Variants in NUP93 observed in about 807,000 individuals in gnomAD.
NUP93 encodes nuclear pore complex protein Nup93.
In NUP93, 55 loss-of-function variants were observed where a neutral mutation model predicts 107.8. That is an observed-to-expected ratio of 0.51 (90% confidence interval 0.41 to 0.64). The LOEUF (loss-of-function observed/expected upper bound fraction) is 0.64, where lower values mean the gene tolerates loss of function less well. NUP93 is among the 30% of genes least tolerant of loss of function. The pLI is 0.00. For synonymous variants in NUP93, 390 were observed against 397.5 expected (o/e 0.98, Z 0.22); for missense variants, 937 against 1,044.7 (o/e 0.90, Z 1.42).
At chr16:56,776,050 G>T in intron 3 of NUP93, among the ~76,000 whole-genome samples, 1 of 131,320 alleles carries the variant, frequency 7.6e-6, no homozygotes, top group African/African-American at 3.1e-5. Flanking sequence ...TTTATTTGTT[G>T]GTGCCAGATT....
intron 1 of NUP93, among the ~76,000 whole-genome samples, chr16:56,739,950 A>G (rs1475369233): frequency 8.8e-5 from 4 of 45,310 alleles, no homozygotes; most frequent in Non-Finnish European, 1.8e-4. Context: ...CGGGGGGCCG[A>G]CCCCCCCCAC....
At chr16:56,763,819 T>C (rs1249374275) in intron 3 of NUP93, among the ~76,000 whole-genome samples, 3 of 152,076 alleles carry the variant, frequency 2.0e-5, no homozygotes, top group Non-Finnish European at 2.9e-5. Flanking sequence ...CCGCCAATTC[T>C]AATCATGGTT....
intron 5 of NUP93, among the ~76,000 whole-genome samples, chr16:56,813,381 A>G (rs1336937984): frequency 6.6e-6 from 1 of 152,228 alleles, no homozygotes; most frequent in Non-Finnish European, 1.5e-5. Context: ...GTAGAATATG[A>G]ACTAACAGTT....
intron 3 of NUP93, among the ~76,000 whole-genome samples, chr16:56,789,464 T>C (rs1962704705): frequency 6.6e-6 from 1 of 152,246 alleles, no homozygotes; most frequent in African/African-American, 2.4e-5. Flanking sequence ...CCCAGCAGTC[T>C]GACAGTGACA....
intron 15 of NUP93, 28 bp downstream of exon 15, chr16:56,834,470 C>A (rs767724255): frequency 6.2e-7 from 1 of 1,610,136 alleles, no homozygotes; most frequent in African/African-American, 1.3e-5. Flanking sequence ...TCTCTCCTCC[C>A]CATGGTTTTC....
Position 56,785,656 on chromosome 16 carries a change from C to T in NUP93, c.298-12820C>T, listed in dbSNP as rs142335368. 1.5e-3 allele frequency among the ~76,000 whole-genome samples: 226 copies of T among 152,232 alleles called. 1 individual carries two copies. The highest frequency in any genetic ancestry group is 5.2e-3 in the African/African-American group (214 of 41,538). On this transcript the variant is annotated intron_variant, in intron 3 of 21. Coordinates refer to ENST00000308159, the MANE Select transcript of NUP93 (RefSeq NM_014669.5). ...TGGCAGAGAGGAAGGAGTAAAATGG[C>T]GTCACCAGGAACACTGTGATAAGGG...
At chr16:56,805,385 T>A in intron 4 of NUP93, 119 bp from the exon 5 acceptor site, 1 of 1,091,194 alleles carries the variant, frequency 9.2e-7, no homozygotes, top group Non-Finnish European at 1.3e-6. Flanking sequence ...AGTAGATTGC[T>A]TTTTCTCTAC....
chr16:56,841,977 TC>T, intron 21 of NUP93, 144 bp downstream of exon 21: 2 of 953,144 alleles, frequency 2.1e-6, no homozygotes, highest in Non-Finnish European at 1.5e-6. Flanking sequence ...GTTAGGAGGC[TC>T]CCAGAGGAAA....
chr16:56,754,391 A>G (rs1206123842), intron 2 of NUP93, among the ~76,000 whole-genome samples: 8 of 152,294 alleles, frequency 5.3e-5, no homozygotes, highest in Non-Finnish European at 1.0e-4. Context: ...CAGACCCCCA[A>G]TGTCTTAACT....
chr16:56,836,426 T>G (rs1268314197), intron 16 of NUP93, among the ~76,000 whole-genome samples, 175 bp from the exon 17 acceptor site: 2 of 152,244 alleles, frequency 1.3e-5, no homozygotes, highest in Non-Finnish European at 2.9e-5. Flanking sequence ...ATAGTTTTAA[T>G]AGGACTTTAT....
chr16:56,810,774 G>A (rs750705454), intron 5 of NUP93, among the ~76,000 whole-genome samples: 10 of 94,626 alleles, frequency 1.1e-4, no homozygotes, highest in Non-Finnish European at 2.1e-4. Flanking sequence ...GGTCACCAGC[G>A]CCCCAGAAAT....
At chr16:56,730,267 A>G (rs1245596741) in intron 1 of NUP93, 56 bp downstream of exon 1, 4 of 152,088 alleles carry the variant, frequency 2.6e-5, no homozygotes, top group Non-Finnish European at 4.4e-5. Context: ...TGAACCCAGG[A>G]CCCCGTGACT....
chr16:56,832,401 A>G lies in NUP93; in HGVS notation c.1345+13A>G, dbSNP rs764112705. The G allele has an allele frequency of 1.3e-6, 2 of 1,598,760 alleles. No individual in the cohort carries two copies. The highest frequency in any genetic ancestry group is 1.1e-5 in the South Asian group (1 of 90,762). ...TTGGAAGACTATGGTAAGATTCTGG[A>G]CATAACCACCTTTCCCTTCTCTTGT... On this transcript the variant is annotated intron_variant, in intron 12 of 21. Transcript: ENST00000308159.
At chr16:56,743,029 G>C (rs1280328101) in intron 1 of NUP93, among the ~76,000 whole-genome samples, 1 of 152,106 alleles carries the variant, frequency 6.6e-6, no homozygotes, top group Non-Finnish European at 1.5e-5. Flanking sequence ...ATCCTGAAGG[G>C]GGCCACTCTT....
In NUP93 at chr16:56,827,044, C is replaced by CAAAAAAAAAAAAAAAAAAAAAAAAAAAAA. The variant is rs1188027635; in HGVS notation, c.795-1908_795-1907insAAAAAAAAAAAAAAAAAAAAAAAAAAAAA. Among the ~76,000 whole-genome samples, 29 of 53,610 alleles carry CAAAAAAAAAAAAAAAAAAAAAAAAAAAAA rather than the reference C, an allele frequency of 5.4e-4. 3 individuals are homozygous for CAAAAAAAAAAAAAAAAAAAAAAAAAAAAA. The highest frequency in any genetic ancestry group is 6.5e-4 in the Non-Finnish European group (18 of 27,834). The allele number at this position is 53,610 out of a possible 152,430, so 35.2% of individuals were successfully genotyped here. ...CTGGGGATGGAATGAGACTCCGTCT[C>CAAAAAAAAAAAAAAAAAAAAAAAAAAAAA]AAAAAAAAAAAAAAAAAAAAAAAAA... On this transcript the variant is annotated intron_variant, in intron 8 of 21. Transcript: ENST00000308159.
rs765922828 is a variant in NUP93, at chr16:56,748,395, C to T, written c.148C>T (p.Arg50Cys). ...GCGCCTGCGTTCCCGTACCCTAACA[C>T]GCACGTCCCAGGAGACGGCAGATGT... is the stretch of plus-strand genomic sequence containing the variant. ...GERLRSRTLT[R>C]TSQETADVKA... The change falls in exon 2 of 22, where the codon CGC (arginine) becomes TGC (cysteine). Residue 50 changes from arginine (R) to cysteine (C), a missense_variant. Arg to Cys is a radical substitution (Grantham distance 180). Transcript: ENST00000308159. The T allele has an allele frequency of 3.7e-6, 6 of 1,613,678 alleles. No homozygotes were observed. The highest frequency in any genetic ancestry group is 1.3e-5 in the African/African-American group (1 of 74,904).
At chr16:56,734,983 C>A (rs1961589417) in intron 1 of NUP93, among the ~76,000 whole-genome samples, 1 of 152,168 alleles carries the variant, frequency 6.6e-6, no homozygotes, top group South Asian at 2.1e-4. Flanking sequence ...CAGTTGGTCC[C>A]TTTGGACACC....
chr16:56,768,642 G>A (rs565980644), intron 3 of NUP93, among the ~76,000 whole-genome samples: 25 of 151,516 alleles, frequency 1.6e-4, no homozygotes, highest in Admixed American at 1.1e-3. Flanking sequence ...CAAGGCGGGC[G>A]GATCACAAGG....
chr16:56,776,497 G>A (rs1422779915), intron 3 of NUP93, among the ~76,000 whole-genome samples: 1 of 152,090 alleles, frequency 6.6e-6, no homozygotes, highest in African/African-American at 2.4e-5. Flanking sequence ...AGAAACCTTG[G>A]GACAATGTTC....
Sources: allele counts gnomAD v4.1 joint callset (sites outside exome capture counted in the v4.1 genomes callset), GRCh38; gene constraint gnomAD v4.1.1; transcripts MANE v1.5; gene names NCBI Gene and HGNC (gene_info 2026-07-23, HGNC 2026-07-21).